FOXO1: variants seen among roughly 807,000 people sequenced by gnomAD.
The protein encoded by FOXO1 is forkhead box O1, also known as forkhead box protein O1.
FOXO1 carries 6 observed loss-of-function variants against 44.1 expected under a neutral mutation model. The ratio of observed to expected loss-of-function variants is 0.14; its 90% CI spans 0.07 to 0.27. The LOEUF (loss-of-function observed/expected upper bound fraction) is 0.27. Ranked by LOEUF, FOXO1 falls within the 10% of genes least tolerant of loss-of-function variation. The pLI, the probability that FOXO1 is intolerant of heterozygous loss-of-function variation, is 1.00. For missense variants in FOXO1, 737 were observed against 888.8 expected (o/e 0.83, Z 2.17); for synonymous variants, 380 against 362.7 (o/e 1.05, Z -0.54).
At chr13:40,588,551 G>A (rs938669857) in intron 1 of FOXO1, among the ~76,000 whole-genome samples, 3 of 152,106 alleles carry the variant, frequency 2.0e-5, no homozygotes, top group African/African-American at 7.2e-5. Context: ...AGATTTTGGG[G>A]GGGACATTTA....
intron 1 of FOXO1, among the ~76,000 whole-genome samples, chr13:40,662,672 T>C (rs930044387): frequency 9.2e-5 from 14 of 152,220 alleles, no homozygotes; most frequent in Admixed American, 3.3e-4. Context: ...GTTTGTCCTA[T>C]GCAAATGACT....
At chr13:40,614,694 T>TA (rs1475684260) in intron 1 of FOXO1, among the ~76,000 whole-genome samples, 13 of 152,142 alleles carry the variant, frequency 8.5e-5, no homozygotes, top group Non-Finnish European at 1.5e-4. Flanking sequence ...CTGAAACACT[T>TA]AGACTATTTA....
At chr13:40,595,376 T>C (rs1174974097) in intron 1 of FOXO1, among the ~76,000 whole-genome samples, 1 of 152,194 alleles carries the variant, frequency 6.6e-6, no homozygotes, top group Admixed American at 6.5e-5. Context: ...CAGGGATCTA[T>C]CTATCCTGTC....
Position 40,666,262 on chromosome 13 carries a change from C to T in FOXO1, c.-50G>A. 7.5e-7 allele frequency: 1 copy of T among 1,333,952 alleles called. No individual in the cohort carries two copies. Among genetic ancestry groups the T allele is most frequent in the Non-Finnish European group, 9.6e-7 (1 of 1,039,756 alleles). 82.6% of individuals were successfully genotyped at this position (1,333,952 alleles called of 1,614,324 possible). ...CGCAGGAGAGCCAAGAGGGGGAGAA[C>T]GCAGCACTGGGGGCGGACGGGGAGG... is the stretch of plus-strand genomic sequence containing the variant. On this transcript the variant is annotated 5_prime_UTR_variant, in exon 1 of 3. Coordinates refer to ENST00000379561, the MANE Select transcript of FOXO1 (RefSeq NM_002015.4).
At chr13:40,600,949 T>C (rs749806927) in intron 1 of FOXO1, among the ~76,000 whole-genome samples, 1 of 152,146 alleles carries the variant, frequency 6.6e-6, no homozygotes, top group Non-Finnish European at 1.5e-5. Context: ...AAATTAAAGC[T>C]AAAAAGTGAT....
At chr13:40,622,344 C>T (rs1290088178) in intron 1 of FOXO1, among the ~76,000 whole-genome samples, 1 of 152,244 alleles carries the variant, frequency 6.6e-6, no homozygotes, top group East Asian at 1.9e-4. Flanking sequence ...TATATAAATA[C>T]AAAGTATGCA....
rs1873990529 is a variant in FOXO1 at position 40,560,988 on chromosome 13, A to C, written c.631-128T>G. On this transcript the variant is annotated intron_variant, in intron 1 of 2. Transcript: ENST00000379561. The surrounding 1 kb of genome is among the most constrained non-coding windows in gnomAD (Gnocchi z 5.1). ...GTGTGCTACAGATTTCCATCTGAACAGTCCTAATGGCTCTGAAGCCACTAC... is the reference window on the plus strand; with the variant it reads ...GTGTGCTACAGATTTCCATCTGAACCGTCCTAATGGCTCTGAAGCCACTAC... The C allele has an allele frequency of 2.4e-6, 2 of 845,958 alleles. No homozygotes were observed. Among genetic ancestry groups the C allele is most frequent in the Non-Finnish European group, 3.6e-6 (2 of 559,176 alleles). The allele number at this position is 845,958 out of a possible 1,614,324, so 52.4% of individuals were successfully genotyped here.
intron 1 of FOXO1, among the ~76,000 whole-genome samples, chr13:40,656,634 A>G (rs1035305529): frequency 1.3e-5 from 2 of 152,194 alleles, no homozygotes; most frequent in African/African-American, 4.8e-5. Flanking sequence ...AGGTCTCCAT[A>G]TTTACACAAG....
At chr13:40,620,816 T>TTTTTTA (rs1876585042) in intron 1 of FOXO1, among the ~76,000 whole-genome samples, 1 of 149,830 alleles carries the variant, frequency 6.7e-6, no homozygotes, top group Admixed American at 6.6e-5. Context: ...TTTTTTTTTT[T>TTTTTTA]GAGATGGAGT....
chr13:40,585,190 C>T (rs919730605), intron 1 of FOXO1, among the ~76,000 whole-genome samples: 5 of 152,280 alleles, frequency 3.3e-5, no homozygotes, highest in South Asian at 2.1e-4. Flanking sequence ...CCAGTTGGTT[C>T]TGGGATCAAA....
intron 1 of FOXO1, chr13:40,619,078 G>A: frequency 2.3e-6 from 1 of 434,252 alleles, no homozygotes. Context: ...GAGGTCTGGA[G>A]TTCAAGACCA....
In FOXO1 at chr13:40,665,694, G is replaced by A. The variant is rs1878212182; in HGVS notation, c.519C>T (p.Ile173=). 1.3e-6 allele frequency: 2 copies of A among 1,543,072 alleles called. No individual in the cohort carries two copies. The highest frequency in any genetic ancestry group is 8.8e-7 in the Non-Finnish European group (1 of 1,140,256). The part of the protein sequence containing the change: ...LSYADLITKA[I]ESSAEKRLTL... ...TGAGCCGCTTCTCCGCCGAGCTCTC[G>A]ATGGCCTTGGTGATGAGGTCGGCGT... The change falls in exon 1 of 3, where the codon ATC becomes ATT. Residue 173 remains isoleucine (I), a synonymous_variant. Transcript: ENST00000379561.
intron 1 of FOXO1, among the ~76,000 whole-genome samples, chr13:40,640,878 G>A (rs905194544): frequency 3.9e-5 from 6 of 151,986 alleles, no homozygotes; most frequent in African/African-American, 1.5e-4. Flanking sequence ...CTGCCTCCTG[G>A]GTTCAAGCCA....
intron 1 of FOXO1, among the ~76,000 whole-genome samples, chr13:40,648,050 G>A (rs976784497): frequency 4.6e-5 from 7 of 152,050 alleles, no homozygotes; most frequent in African/African-American, 2.4e-5. Flanking sequence ...ACTCTTCTTC[G>A]AGTCACCAGT....
intron 1 of FOXO1, among the ~76,000 whole-genome samples, chr13:40,565,619 G>A (rs548805111): frequency 5.3e-5 from 8 of 152,258 alleles, no homozygotes; most frequent in Middle Eastern, 3.4e-3. Flanking sequence ...CTGTCTTCTT[G>A]TACACTGTAT....
At chr13:40,561,959 A>G (rs1411684979) in intron 1 of FOXO1, among the ~76,000 whole-genome samples, 1 of 151,684 alleles carries the variant, frequency 6.6e-6, no homozygotes, top group Non-Finnish European at 1.5e-5. Context: ...AAAAAAAAAA[A>G]AAAGAATATA....
At chr13:40,584,536 T>C (rs1346386875) in intron 1 of FOXO1, among the ~76,000 whole-genome samples, 4 of 138,690 alleles carry the variant, frequency 2.9e-5, no homozygotes, top group Non-Finnish European at 6.1e-5. Context: ...TAGTCCTAGC[T>C]ATTCAGGAGG....
chr13:40,641,936 A>G (rs1165289472), intron 1 of FOXO1, among the ~76,000 whole-genome samples: 3 of 152,190 alleles, frequency 2.0e-5, no homozygotes, highest in East Asian at 3.8e-4. Context: ...CAGTGAACCA[A>G]GATCACACCA....
chr13:40,609,251 C>A (rs1467762172), intron 1 of FOXO1, among the ~76,000 whole-genome samples: 1 of 152,034 alleles, frequency 6.6e-6, no homozygotes, highest in Non-Finnish European at 1.5e-5. Context: ...GGGTAGAATA[C>A]CAAACTGGGA....
Sources: gnomAD v4.1 joint callset for allele counts (sites outside exome capture counted in the v4.1 genomes callset) on GRCh38, gnomAD v4.1.1 for gene constraint, Gnocchi (gnomAD v3.1) non-coding constraint, MANE v1.5 for transcripts, NCBI Gene and HGNC (gene_info 2026-07-23, HGNC 2026-07-21) for gene names.